Variants in RFTN2 observed in about 807,000 individuals in gnomAD.
RFTN2 encodes the protein raftlin family member 2.
RFTN2 carries 34 observed loss-of-function variants against 52.7 expected under a neutral mutation model. That is an observed-to-expected ratio of 0.64 (90% CI 0.49 to 0.86). The LOEUF (loss-of-function observed/expected upper bound fraction) is 0.86, where lower values mean the gene tolerates loss of function less well. Ranked by LOEUF, RFTN2 falls within the 40% of genes least tolerant of loss-of-function variation. The pLI is 0.00. For synonymous variants in RFTN2, 203 were observed against 217.7 expected (o/e 0.93, Z 0.59); for missense variants, 536 against 600.1 (o/e 0.89, Z 1.12).
chr2:197,643,547 T>G (rs772148284), intron 3 of RFTN2, among the ~76,000 whole-genome samples: 3 of 152,228 alleles, frequency 2.0e-5, no homozygotes, highest in Non-Finnish European at 2.9e-5. Flanking sequence ...TTCTTTCTTT[T>G]ATATTTGCTG....
chr2:197,605,982 T>G (rs1359007050), intron 7 of RFTN2, among the ~76,000 whole-genome samples: 1 of 152,218 alleles, frequency 6.6e-6, no homozygotes, highest in East Asian at 1.9e-4. Context: ...AACTCTTTTT[T>G]CATTATTGCT....
In RFTN2 at chr2:197,600,628, T is replaced by C. The variant is rs976358023; in HGVS notation, c.1155-4559A>G. Among the ~76,000 whole-genome samples the C allele has an allele frequency of 2.0e-5, 3 of 152,202 alleles. No homozygotes were observed. The South Asian group carries it at 6.2e-4, about 32-fold the overall frequency. On this transcript the variant is annotated intron_variant, in intron 7 of 8. Transcript: ENST00000295049. ...GATAATTCTATTTACAGAATTGGGA[T>C]AGAATATTTTTCCCTTAGCAAACTG...
In RFTN2 at chr2:197,675,487, G is replaced by A. The variant is rs777008057; in HGVS notation, c.-29C>T. The A allele has an allele frequency of 1.4e-6, 2 of 1,480,870 alleles. No homozygotes were observed. The highest frequency in any genetic ancestry group is 2.9e-5 in the South Asian group (2 of 68,784). 91.7% of individuals were successfully genotyped at this position (1,480,870 alleles called of 1,614,324 possible). A position where few individuals can be genotyped will look rare whatever the true frequency, so the allele number is the denominator to read the frequency against. The stretch of plus-strand genomic sequence containing the variant: ...AAAATCTGTAAGGAATTAAATTGCA[G>A]GAAAGGGGAGGGAGAGCAGCAAATT... On this transcript the variant is annotated 5_prime_UTR_variant, in exon 1 of 9. Transcript: ENST00000295049.
At chr2:197,667,662 T>C (rs1027276088) in intron 1 of RFTN2, among the ~76,000 whole-genome samples, 1 of 152,180 alleles carries the variant, frequency 6.6e-6, no homozygotes, top group African/African-American at 2.4e-5. Context: ...TCTGGGTGCA[T>C]GGAATAGTGT....
Position 197,644,190 on chromosome 2 carries a change from T to A in RFTN2, c.406A>T (p.Thr136Ser). The A allele has an allele frequency of 6.2e-7, 1 of 1,612,408 alleles. No homozygotes were observed. The highest frequency in any genetic ancestry group is 8.5e-7 in the Non-Finnish European group (1 of 1,178,380). The change falls in exon 3 of 9, where the codon ACA (threonine) becomes TCA (serine). Residue 136 changes from threonine (T) to serine (S), a missense_variant. Thr to Ser is a moderately conservative substitution (Grantham distance 58, BLOSUM62 1). Coordinates refer to ENST00000295049, the MANE Select transcript of RFTN2 (RefSeq NM_144629.3). ...ATCAGTTCTTTTGCTGCGTCATTTG[T>A]TTGTGCCTCAGAAGTTAGGGGACAT... is the stretch of plus-strand genomic sequence containing the variant. ...EECPLTSEAQ[T>S]NDAAKELIEK...
chr2:197,597,362 A>C (rs1290768623), intron 7 of RFTN2, among the ~76,000 whole-genome samples: 1 of 152,236 alleles, frequency 6.6e-6, no homozygotes, highest in African/African-American at 2.4e-5. Context: ...GCATGTGTAC[A>C]GAAAAAGCTG....
chr2:197,640,007 T>C (rs2088635109), intron 3 of RFTN2, among the ~76,000 whole-genome samples: 1 of 152,222 alleles, frequency 6.6e-6, no homozygotes. Flanking sequence ...CCGTGTGAGA[T>C]GTCAGTGTGC....
chr2:197,601,143 TC>T (rs775010949), intron 7 of RFTN2, among the ~76,000 whole-genome samples: 27 of 152,160 alleles, frequency 1.8e-4, no homozygotes, highest in Non-Finnish European at 1.5e-5. Context: ...GATGTAAAGT[TC>T]CTACACCCTG....
chr2:197,571,444 T>C lies in RFTN2; in HGVS notation c.*564A>G, dbSNP rs2087314924. On this transcript the variant is annotated 3_prime_UTR_variant, in exon 9 of 9. Transcript: ENST00000295049. ...AGCAAAGATACATAAAAAAGATTTT[T>C]TTCAAAAAATATTTTAACACATAGG... 1 of 153,536 alleles carries C rather than the reference T, an allele frequency of 6.5e-6. No homozygotes were observed. The highest frequency in any genetic ancestry group is 6.5e-5 in the Admixed American group (1 of 15,388). The allele number at this position is 153,536 out of a possible 1,614,324, so 9.5% of individuals were successfully genotyped here. A position where few individuals can be genotyped will look rare whatever the true frequency, so the allele number is the denominator to read the frequency against.
At chr2:197,583,266 T>C (rs2087540079) in intron 8 of RFTN2, among the ~76,000 whole-genome samples, 1 of 152,136 alleles carries the variant, frequency 6.6e-6, no homozygotes. Flanking sequence ...GACTGGAAAA[T>C]TGACTTTACT....
Position 197,569,590 on chromosome 2 carries a change from TAAAC to T in RFTN2, c.*2414_*2417del, listed in dbSNP as rs1216318034. On this transcript the variant is annotated 3_prime_UTR_variant, in exon 9 of 9. Coordinates refer to ENST00000295049, the MANE Select transcript of RFTN2 (RefSeq NM_144629.3). ...AATAAGAAATAACTCAGATTAAAAA[TAAAC>T]GGGAGGGGAGAAAAAAATAAACTGA... 6.6e-6 allele frequency: 1 copy of T among 152,056 alleles called. No homozygotes were observed. The highest frequency in any genetic ancestry group is 1.5e-5 in the Non-Finnish European group (1 of 67,998). 9.4% of individuals were successfully genotyped at this position (152,056 alleles called of 1,614,324 possible).
intron 8 of RFTN2, among the ~76,000 whole-genome samples, chr2:197,579,531 G>A (rs2087471045): frequency 6.6e-6 from 1 of 151,998 alleles, no homozygotes; most frequent in Admixed American, 6.6e-5. Flanking sequence ...CAATTTTTCG[G>A]TCCTACAAGA....
At chr2:197,588,007 C>G (rs969146804) in intron 8 of RFTN2, 2 of 470,496 alleles carry the variant, frequency 4.3e-6, no homozygotes, top group Non-Finnish European at 8.8e-6. Context: ...TCTTTTCACA[C>G]TGTCTTACCC....
chr2:197,590,018 C>CA (rs1411970318), intron 8 of RFTN2, among the ~76,000 whole-genome samples: 1 of 151,928 alleles, frequency 6.6e-6, no homozygotes, highest in Non-Finnish European at 1.5e-5. Flanking sequence ...GCGATCCCCC[C>CA]ACCCCCACTC....
At chr2:197,656,208 G>A (rs1463700879) in intron 1 of RFTN2, among the ~76,000 whole-genome samples, 1 of 152,114 alleles carries the variant, frequency 6.6e-6, no homozygotes, top group East Asian at 1.9e-4. Flanking sequence ...TTATATGGTT[G>A]TTAGGAGGAT....
In RFTN2 at chr2:197,599,943, C is replaced by T. The variant is rs994371400; in HGVS notation, c.1155-3874G>A. On this transcript the variant is annotated intron_variant, in intron 7 of 8. Transcript: ENST00000295049. ...GTATGATCTGGGCTCACTGCAACCT[C>T]TGCCTTTCGGGTTCAAGGGATTCTC... Among the ~76,000 whole-genome samples, 125 of 152,162 alleles carry T rather than the reference C, an allele frequency of 8.2e-4. 1 individual carries two copies. Among genetic ancestry groups the T allele is most frequent in the Admixed American group, 1.6e-3 (24 of 15,272 alleles).
chr2:197,673,181 A>T (rs1430295907), intron 1 of RFTN2, among the ~76,000 whole-genome samples: 1 of 152,188 alleles, frequency 6.6e-6, no homozygotes, highest in African/African-American at 2.4e-5. Flanking sequence ...TGCTCATTCC[A>T]TGGTGGCCTC....
chr2:197,615,448 T>TTTCTCCTTTTTCTTCCAA, intron 7 of RFTN2, among the ~76,000 whole-genome samples: 2 of 152,306 alleles, frequency 1.3e-5, no homozygotes, highest in Admixed American at 6.5e-5. Flanking sequence ...GGAAAGTTAG[T>TTTCTCCTTTTTCTTCCAA]AAAAGGAGAA....
intron 7 of RFTN2, among the ~76,000 whole-genome samples, chr2:197,613,689 T>G: frequency 6.6e-6 from 1 of 152,226 alleles, no homozygotes; most frequent in Non-Finnish European, 1.5e-5. Flanking sequence ...TAAACAAGAT[T>G]TACCAACAAT....
Sources: allele counts gnomAD v4.1 joint callset (sites outside exome capture counted in the v4.1 genomes callset), GRCh38; gene constraint gnomAD v4.1.1; transcripts MANE v1.5; gene names NCBI Gene and HGNC (gene_info 2026-07-23, HGNC 2026-07-21).